Variants in CERS6 observed in about 807,000 individuals in gnomAD.
The protein encoded by CERS6 is ceramide synthase 6, also known as LAG1 homolog, ceramide synthase 6.
In CERS6, 26 loss-of-function variants were observed where a neutral mutation model predicts 56.8. That is an observed-to-expected ratio of 0.46 (90% CI 0.34 to 0.63). The LOEUF (loss-of-function observed/expected upper bound fraction) is 0.63, where lower values mean the gene tolerates loss of function less well. Among genes scored for constraint, CERS6 ranks in the 30% least tolerant of loss-of-function variants. CERS6 has a pLI of 0.01. For missense variants in CERS6, 415 were observed against 467.5 expected (o/e 0.89, Z 1.04); for synonymous variants, 164 against 173.3 (o/e 0.95, Z 0.42).
At chr2:168,533,909 T>A (rs1695211527) in intron 1 of CERS6, among the ~76,000 whole-genome samples, 1 of 152,120 alleles carries the variant, frequency 6.6e-6, no homozygotes, top group African/African-American at 2.4e-5. Flanking sequence ...GGAGGCTTTG[T>A]TATTCCTTTT....
chr2:168,579,724 A>G (rs1004451265), intron 3 of CERS6, among the ~76,000 whole-genome samples: 4 of 152,124 alleles, frequency 2.6e-5, no homozygotes, highest in African/African-American at 9.7e-5. Context: ...TTAAGATCCA[A>G]TCTGGAAACC....
chr2:168,548,136 A>T (rs951025425), intron 2 of CERS6, among the ~76,000 whole-genome samples: 1 of 152,222 alleles, frequency 6.6e-6, no homozygotes, highest in African/African-American at 2.4e-5. Context: ...TGATAAGTAG[A>T]CAAATGTAAA....
chr2:168,721,503 C>CT (rs1687364372), intron 8 of CERS6, among the ~76,000 whole-genome samples: 1 of 146,556 alleles, frequency 6.8e-6, no homozygotes, highest in African/African-American at 2.5e-5. Context: ...CATTGTAACT[C>CT]TAACTTTTTG....
intron 8 of CERS6, among the ~76,000 whole-genome samples, chr2:168,730,294 T>A (rs1484277063): frequency 1.3e-5 from 2 of 152,156 alleles, no homozygotes; most frequent in Non-Finnish European, 2.9e-5. Flanking sequence ...GGATTGTCAG[T>A]GAATTGGAAA....
chr2:168,764,146 T>G (rs1684661587), intron 8 of CERS6, among the ~76,000 whole-genome samples: 1 of 152,160 alleles, frequency 6.6e-6, no homozygotes, highest in African/African-American at 2.4e-5. Flanking sequence ...TCTATTTTTT[T>G]TATTTTTTAT....
intron 4 of CERS6, among the ~76,000 whole-genome samples, chr2:168,662,222 C>T (rs1343202291): frequency 1.3e-5 from 2 of 150,952 alleles, no homozygotes; most frequent in African/African-American, 4.9e-5. Context: ...TTTTTCTAAC[C>T]AACTTAAAAA....
chr2:168,620,526 C>T (rs1470871), intron 3 of CERS6, among the ~76,000 whole-genome samples: 2,725 of 152,188 alleles, frequency 0.018, 105 homozygotes, highest in East Asian at 0.16. Context: ...TTCTTCTCAT[C>T]GAATTCCCCT....
chr2:168,576,586 A>G (rs1017758789), intron 3 of CERS6, among the ~76,000 whole-genome samples: 1 of 152,072 alleles, frequency 6.6e-6, no homozygotes, highest in East Asian at 1.9e-4. Flanking sequence ...TTTTGAAACA[A>G]TTTTTTTATT....
At chr2:168,707,827 C>A (rs935760594) in intron 6 of CERS6, among the ~76,000 whole-genome samples, 2 of 152,128 alleles carry the variant, frequency 1.3e-5, no homozygotes, top group Admixed American at 1.3e-4. Flanking sequence ...ATTTTTTAGT[C>A]CTTTATTTCT....
chr2:168,706,936 C>T (rs1432679577), intron 6 of CERS6, among the ~76,000 whole-genome samples: 2 of 152,158 alleles, frequency 1.3e-5, no homozygotes, highest in Non-Finnish European at 2.9e-5. Context: ...AGCAAGAAAA[C>T]TGCCATAGAC....
intron 3 of CERS6, among the ~76,000 whole-genome samples, chr2:168,597,024 A>T (rs907115212): frequency 1.3e-5 from 2 of 152,200 alleles, no homozygotes; most frequent in African/African-American, 4.8e-5. Flanking sequence ...CTTGAACTCC[A>T]ATTGGTGAAC....
chr2:168,602,090 G>T (rs745475756), intron 3 of CERS6, among the ~76,000 whole-genome samples: 1 of 152,204 alleles, frequency 6.6e-6, no homozygotes, highest in Non-Finnish European at 1.5e-5. Flanking sequence ...TCACTATGCT[G>T]TACACGTATT....
chr2:168,652,554 A>T (rs1438963055), intron 4 of CERS6, among the ~76,000 whole-genome samples: 3 of 150,834 alleles, frequency 2.0e-5, no homozygotes, highest in Non-Finnish European at 4.4e-5. Context: ...TAGTTTTTTT[A>T]AAGCCAAGGG....
intron 9 of CERS6, 80 bp from the exon 10 acceptor site, chr2:168,769,428 GTA>G: frequency 7.9e-7 from 1 of 1,266,650 alleles, no homozygotes; most frequent in Non-Finnish European, 1.1e-6. Flanking sequence ...TTCCCCTTGT[GTA>G]TGACTGCATG....
intron 4 of CERS6, among the ~76,000 whole-genome samples, chr2:168,680,803 C>G (rs1686196077): frequency 6.6e-6 from 1 of 152,242 alleles, no homozygotes; most frequent in Non-Finnish European, 1.5e-5. Context: ...GTGCCTTGAT[C>G]TTGGACTAAC....
chr2:168,493,246 C>T (rs887043091), intron 1 of CERS6, among the ~76,000 whole-genome samples: 4 of 152,042 alleles, frequency 2.6e-5, no homozygotes, highest in Non-Finnish European at 5.9e-5. Context: ...CTTCTCAGAT[C>T]CACCTTATCT....
rs897701769 is a variant in CERS6, at chr2:168,490,001, C to G, written c.170+33383C>G. ...AATTTCTTTTAGCAGGCAATAAACC[C>G]AGCTAGATTCAGGTTATATTTCTGT... On this transcript the variant is annotated intron_variant, in intron 1 of 9. Transcript: ENST00000305747. 1.2e-4 allele frequency among the ~76,000 whole-genome samples: 18 copies of G among 152,200 alleles called. No individual in the cohort carries two copies. The South Asian group carries it at 3.1e-3, about 26-fold the overall frequency.
At chr2:168,726,250 C>G (rs139280252) in intron 8 of CERS6, among the ~76,000 whole-genome samples, 1 of 152,136 alleles carries the variant, frequency 6.6e-6, no homozygotes, top group East Asian at 1.9e-4. Flanking sequence ...AGTGATTCAC[C>G]GGGCTCTCTG....
At chr2:168,544,296 C>T (rs549817736) in intron 1 of CERS6, among the ~76,000 whole-genome samples, 1 of 152,290 alleles carries the variant, frequency 6.6e-6, no homozygotes, top group East Asian at 1.9e-4. Flanking sequence ...ATAACAATGA[C>T]CCTTCTGGGA....
Sources: allele counts gnomAD v4.1 joint callset (sites outside exome capture counted in the v4.1 genomes callset), GRCh38; gene constraint gnomAD v4.1.1; transcripts MANE v1.5; gene names NCBI Gene and HGNC (gene_info 2026-07-23, HGNC 2026-07-21).